The following SETDB1 variants were observed in gnomAD, a reference collection of about 807,000 sequenced individuals.
SETDB1 encodes the protein histone-lysine N-methyltransferase SETDB1.
Under a neutral mutation model 137.4 loss-of-function variants are expected in SETDB1, and 31 were observed. The observed-to-expected ratio is 0.23, with a 90% confidence interval of 0.17 to 0.30. The LOEUF (loss-of-function observed/expected upper bound fraction) is 0.30, where lower values mean the gene tolerates loss of function less well. SETDB1 is among the 10% of genes least tolerant of loss of function. The probability of loss-of-function intolerance (pLI) is 1.00; values close to 1 mark genes in which losing one functional copy is unlikely to be tolerated. For missense variants in SETDB1, 1,113 were observed against 1,631.5 expected, an observed-to-expected ratio of 0.68 and a Z score of 5.47; for synonymous variants, 548 against 579.9, an observed-to-expected ratio of 0.95 and a Z score of 0.79.
At position 150,950,578 on chromosome 1, in the gene SETDB1, CA is replaced by C; in HGVS notation, c.1705del (p.Met569TrpfsTer22). On this transcript the variant is annotated frameshift_variant, in exon 13 of 22. Coordinates refer to ENST00000692827, the MANE Select transcript of SETDB1 (RefSeq NM_001366418.1). LOFTEE classifies it high-confidence loss of function. ...CAGCAGAGCCCTCCTACCGTGCTCC[CA>C]TGGAGAAGCTTTTCTACTTACCTCA... ...APAEPSYRAP[M>X]EKLFYLPHVC... The C allele has an allele frequency of 6.2e-7, 1 of 1,614,146 alleles. No homozygotes were observed. Among genetic ancestry groups the C allele is most frequent in the Non-Finnish European group, 8.5e-7 (1 of 1,180,026 alleles).
At chr1:150,944,760 AT>A (rs959934600) in intron 8 of SETDB1, among the ~76,000 whole-genome samples, 157 bp from the exon 9 acceptor site, 2 of 152,158 alleles carry the variant, frequency 1.3e-5, no homozygotes, top group Admixed American at 6.6e-5. Context: ...CATTAGGTTT[AT>A]TACTTAGGTG....
chr1:150,938,080 G>A (rs1183664842), intron 3 of SETDB1, among the ~76,000 whole-genome samples: 1 of 152,060 alleles, frequency 6.6e-6, no homozygotes, highest in East Asian at 1.9e-4. Flanking sequence ...ATTTAGCTGG[G>A]TGTGGTGGCG....
intron 3 of SETDB1, among the ~76,000 whole-genome samples, chr1:150,930,799 G>C (rs1669711045): frequency 1.3e-5 from 2 of 151,998 alleles, no homozygotes; most frequent in African/African-American, 4.8e-5. Flanking sequence ...GCCTCCCAAA[G>C]TGCTGGGATT....
In SETDB1 at chr1:150,950,519, C is replaced by T; in HGVS notation, c.1645C>T (p.Pro549Ser). 1 of 1,613,688 alleles carries T rather than the reference C, an allele frequency of 6.2e-7. No homozygotes were observed. Among genetic ancestry groups the T allele is most frequent in the Non-Finnish European group, 8.5e-7 (1 of 1,179,732 alleles). The change falls in exon 13 of 22, where the codon CCC (proline) becomes TCC (serine). Residue 549 changes from proline (P) to serine (S), a missense_variant. Pro to Ser is a moderately conservative substitution (Grantham distance 74). Transcript: ENST00000692827. ...APSALPAPPA[P>S]PVFHGMLERA... Reference sequence around the variant, plus strand: ...CTCAGCACTCCCGGCCCCTCCAGCACCCCCAGTCTTCCATGGCATGCTGGA... The same window carrying T: ...CTCAGCACTCCCGGCCCCTCCAGCATCCCCAGTCTTCCATGGCATGCTGGA...
intron 8 of SETDB1, among the ~76,000 whole-genome samples, chr1:150,944,405 C>T (rs1488111730): frequency 2.0e-5 from 3 of 152,162 alleles, no homozygotes; most frequent in African/African-American, 7.2e-5. Context: ...CTCATAGTGT[C>T]CACTATATTT....
At chr1:150,952,779 C>T (rs1489503617) in intron 14 of SETDB1, among the ~76,000 whole-genome samples, 2 of 151,604 alleles carry the variant, frequency 1.3e-5, no homozygotes, top group African/African-American at 4.9e-5. Context: ...CTCAGCTACT[C>T]GGGAGGCTGA....
chr1:150,949,770 C>T (rs1670442505), intron 12 of SETDB1, among the ~76,000 whole-genome samples: 1 of 152,188 alleles, frequency 6.6e-6, no homozygotes, highest in South Asian at 2.1e-4. Flanking sequence ...TCTTGTTGAA[C>T]ATGGTGCCAT....
In SETDB1 at chr1:150,942,950, C is replaced by T; in HGVS notation, c.772C>T (p.Leu258=). The T allele has an allele frequency of 6.2e-7, 1 of 1,613,852 alleles. No homozygotes were observed. The change falls in exon 7 of 22, where the codon CTG becomes TTG. Residue 258 remains leucine (L), a synonymous_variant. Transcript: ENST00000692827. ...AYDYHPPADK[L]YVGSRVVAKY... is the part of the protein sequence containing the mutation. ...TGATTACCACCCTCCTGCTGACAAG[C>T]TGTATGTGGGCAGTCGGGTGGTCGC...
chr1:150,937,186 TAAAAAAAAAAAGAA>T (rs1169077342), intron 3 of SETDB1, among the ~76,000 whole-genome samples: 1 of 131,246 alleles, frequency 7.6e-6, no homozygotes, highest in South Asian at 2.4e-4. Context: ...ACACAGCCAC[TAAAAAAAAAAAGAA>T]AAAAAAAAGA....
chr1:150,958,077 T>C (rs1670703235), intron 14 of SETDB1, among the ~76,000 whole-genome samples: 1 of 151,686 alleles, frequency 6.6e-6, no homozygotes, highest in Non-Finnish European at 1.5e-5. Context: ...TCTCAGCTAC[T>C]TGGGAGGCTG....
chr1:150,962,088 G>A (rs1036596031), intron 16 of SETDB1, 42 bp from the exon 17 acceptor site: 8 of 1,613,210 alleles, frequency 5.0e-6, no homozygotes, highest in Non-Finnish European at 5.1e-6. Flanking sequence ...CTTGTTACCC[G>A]AGGCTGTGAA....
In SETDB1 at chr1:150,954,075, C is replaced by CT. The variant is rs1670575885; in HGVS notation, c.2333+2595dup. On this transcript the variant is annotated intron_variant, in intron 14 of 21. Coordinates refer to ENST00000692827, the MANE Select transcript of SETDB1 (RefSeq NM_001366418.1). The stretch of plus-strand genomic sequence containing the variant: ...TTCACCATGTTAGCCAGGATGGTCT[C>CT]TATCTCCTGACCTCATGATCCGTCT... Among the ~76,000 whole-genome samples, 3 of 152,094 alleles carry CT rather than the reference C, an allele frequency of 2.0e-5. No individual in the cohort carries two copies. The South Asian group carries it at 6.2e-4, about 32-fold the overall frequency.
chr1:150,943,720 A>G (rs1419347538), intron 7 of SETDB1, among the ~76,000 whole-genome samples, 200 bp from the exon 8 acceptor site: 1 of 152,184 alleles, frequency 6.6e-6, no homozygotes, highest in Non-Finnish European at 1.5e-5. Context: ...GTAGGGAGGT[A>G]TTGGTTAAAT....
intron 5 of SETDB1, 119 bp downstream of exon 5, chr1:150,941,547 T>C (rs1484655796): frequency 3.2e-6 from 2 of 626,262 alleles, no homozygotes; most frequent in Admixed American, 2.8e-5. Flanking sequence ...TTAGTAGTTA[T>C]GAAATCCCAG....
Position 150,949,423 on chromosome 1 carries a change from C to A in SETDB1, c.1481C>A (p.Ser494Tyr). ...SRKQVAKKST[S>Y]FRPGSVGSGH... is the part of the protein sequence containing the mutation. Reference sequence around the variant, plus strand: ...AAGCAGGTAGCCAAAAAGAGCACGTCCTTTCGACCAGGATCTGTGGGCTCT... The same window carrying A: ...AAGCAGGTAGCCAAAAAGAGCACGTACTTTCGACCAGGATCTGTGGGCTCT... The change falls in exon 12 of 22, where the codon TCC (serine) becomes TAC (tyrosine). Residue 494 changes from serine to tyrosine, a missense_variant. Ser to Tyr is a moderately radical substitution (Grantham distance 144). Around this residue, in one of 11 missense-constraint regions of SETDB1, gnomAD observed 192 missense variants for 198.1 expected, o/e 0.97. Transcript: ENST00000692827. 3.7e-6 allele frequency: 6 copies of A among 1,614,176 alleles called. No homozygotes were observed. Among genetic ancestry groups the A allele is most frequent in the Non-Finnish European group, 5.1e-6 (6 of 1,180,030 alleles).
At chr1:150,938,729 C>A (rs987818253) in intron 3 of SETDB1, among the ~76,000 whole-genome samples, 2 of 152,006 alleles carry the variant, frequency 1.3e-5, no homozygotes, top group Non-Finnish European at 2.9e-5. Flanking sequence ...GTCTGGAATT[C>A]CTGACCTCAG....
intron 12 of SETDB1, among the ~76,000 whole-genome samples, chr1:150,949,777 C>T (rs1387173451): frequency 6.6e-6 from 1 of 152,110 alleles, no homozygotes; most frequent in Non-Finnish European, 1.5e-5. Context: ...GAACATGGTG[C>T]CATCATTGCT....
chr1:150,950,148 C>T (rs965965759), intron 12 of SETDB1, among the ~76,000 whole-genome samples: 27 of 152,014 alleles, frequency 1.8e-4, no homozygotes, highest in African/African-American at 6.3e-4. Context: ...GCAGGAGAAT[C>T]GCTTGAACCC....
At chr1:150,958,837 G>A (rs1670734598) in intron 14 of SETDB1, among the ~76,000 whole-genome samples, 1 of 151,976 alleles carries the variant, frequency 6.6e-6, no homozygotes, top group Non-Finnish European at 1.5e-5. Context: ...TCCATATAGT[G>A]CTTATTTTAA....
Sources: gnomAD v4.1 joint callset for allele counts (sites outside exome capture counted in the v4.1 genomes callset) on GRCh38, gnomAD v4.1.1 for gene constraint, gnomAD v4.1.1 regional missense constraint, MANE v1.5 for transcripts, NCBI Gene and HGNC (gene_info 2026-07-23, HGNC 2026-07-21) for gene names.